STMND1: variants seen among roughly 807,000 people sequenced by gnomAD.
The protein encoded by STMND1 is stathmin domain containing 1.
Under a neutral mutation model 23.0 loss-of-function variants are expected in STMND1, and 17 were observed. The observed-to-expected ratio is 0.74, with a 90% CI of 0.51 to 1.11. The LOEUF (loss-of-function observed/expected upper bound fraction) is 1.11, where lower values mean the gene tolerates loss of function less well. STMND1 is among the 50% of genes least tolerant of loss of function. The probability of loss-of-function intolerance (pLI) is 0.00; values close to 1 mark genes in which losing one functional copy is unlikely to be tolerated. For synonymous variants in STMND1, 114 were observed against 119.9 expected (o/e 0.95, Z 0.32); for missense variants, 305 against 329.1 (o/e 0.93, Z 0.57).
chr6:17,122,063 A>G (rs968440206), intron 3 of STMND1, among the ~76,000 whole-genome samples: 3 of 151,966 alleles, frequency 2.0e-5, no homozygotes, highest in Admixed American at 6.6e-5. Flanking sequence ...GGATTTCACC[A>G]TCTTGACCAG....
At position 17,102,108 on chromosome 6, in the gene STMND1, T is replaced by A. The variant is rs1019250825; in HGVS notation, c.-150T>A. On this transcript the variant is annotated 5_prime_UTR_variant, in exon 1 of 5. Coordinates refer to ENST00000536551, the MANE Select transcript of STMND1 (RefSeq NM_001190766.2). ...CTGCCCGGGGTTTAAGCGCGGGAAG[T>A]GGGAGAGGCGGGTGGCGCCCGAGCG... 2 of 670,704 alleles carry A rather than the reference T, an allele frequency of 3.0e-6. No individual in the cohort carries two copies. Among genetic ancestry groups the A allele is most frequent in the Non-Finnish European group, 4.4e-6 (2 of 454,370 alleles). The allele number at this position is 670,704 out of a possible 1,614,324, so 41.5% of individuals were successfully genotyped here.
intron 3 of STMND1, among the ~76,000 whole-genome samples, chr6:17,126,052 ATATATATATATATATATATTTTTTTTTTT>A (rs1761292586): frequency 3.4e-5 from 1 of 29,448 alleles, no homozygotes; most frequent in Non-Finnish European, 5.8e-5. Context: ...ATATATATAT[ATATATATATATATATATATTTTTTTTTTT>A]TTTTTTTTTT....
intron 2 of STMND1, among the ~76,000 whole-genome samples, chr6:17,116,511 C>G (rs1761162109): frequency 6.6e-6 from 1 of 152,126 alleles, no homozygotes; most frequent in African/African-American, 2.4e-5. Context: ...GCAATCTCCG[C>G]TCACTGCAAC....
At chr6:17,115,650 G>T (rs748732521) in intron 2 of STMND1, among the ~76,000 whole-genome samples, 2 of 152,206 alleles carry the variant, frequency 1.3e-5, no homozygotes, top group African/African-American at 2.4e-5. Context: ...GAAACTATTT[G>T]TGGGTTTTCC....
chr6:17,111,560 C>T (rs946190309), intron 1 of STMND1, among the ~76,000 whole-genome samples: 1 of 152,142 alleles, frequency 6.6e-6, no homozygotes, highest in African/African-American at 2.4e-5. Context: ...TAAGTAGCTA[C>T]TCCTTATCAC....
chr6:17,127,556 A>T (rs1404739723), intron 3 of STMND1, among the ~76,000 whole-genome samples: 2 of 152,158 alleles, frequency 1.3e-5, no homozygotes. Context: ...TCTCAACAAA[A>T]AACAAAAACA....
chr6:17,122,696 CA>C (rs1581372881), intron 3 of STMND1, among the ~76,000 whole-genome samples: 1 of 146,252 alleles, frequency 6.8e-6, no homozygotes, highest in African/African-American at 2.6e-5. Context: ...ATAACATTAT[CA>C]GGCTGCCAAT....
chr6:17,124,190 T>G (rs1761266963), intron 3 of STMND1, among the ~76,000 whole-genome samples: 1 of 152,172 alleles, frequency 6.6e-6, no homozygotes. Flanking sequence ...GACATGTAAA[T>G]ATTATTTCTT....
chr6:17,111,269 G>A (rs891873433), intron 1 of STMND1, among the ~76,000 whole-genome samples: 1 of 152,138 alleles, frequency 6.6e-6, no homozygotes, highest in Admixed American at 6.6e-5. Context: ...GAAAGGAGAA[G>A]GTGGGATTAT....
In STMND1 at chr6:17,129,052, C is replaced by T. The variant is rs1190930693; in HGVS notation, c.412-60C>T. On this transcript the variant is annotated intron_variant, in intron 3 of 4. Coordinates refer to ENST00000536551, the MANE Select transcript of STMND1 (RefSeq NM_001190766.2). ...TAAACTGTTTATTCTAACTCTTTTG[C>T]CCTTCTCTTCTGCCAGTGAATATGA... 10 of 1,482,940 alleles carry T rather than the reference C, an allele frequency of 6.7e-6. No homozygotes were observed. In the South Asian group the frequency reaches 1.1e-4, roughly 16 times the overall value. The allele number at this position is 1,482,940 out of a possible 1,614,324, so 91.9% of individuals were successfully genotyped here.
chr6:17,121,135 T>A (rs764970495), intron 3 of STMND1, among the ~76,000 whole-genome samples: 1 of 152,208 alleles, frequency 6.6e-6, no homozygotes, highest in Non-Finnish European at 1.5e-5. Flanking sequence ...CCTACCACCT[T>A]GTGAAGAGGT....
chr6:17,114,704 G>A (rs1439475539), intron 1 of STMND1, among the ~76,000 whole-genome samples: 1 of 152,224 alleles, frequency 6.6e-6, no homozygotes, highest in African/African-American at 2.4e-5. Context: ...TGAGTGATGA[G>A]GAGCAGCTGT....
chr6:17,130,602 A>C lies in STMND1; in HGVS notation c.552A>C (p.Glu184Asp). The C allele has an allele frequency of 1.3e-6, 2 of 1,510,358 alleles. No homozygotes were observed. Among genetic ancestry groups the C allele is most frequent in the Non-Finnish European group, 1.8e-6 (2 of 1,136,460 alleles). The allele number at this position is 1,510,358 out of a possible 1,614,324, so 93.6% of individuals were successfully genotyped here. A position where few individuals can be genotyped will look rare whatever the true frequency, so the allele number is the denominator to read the frequency against. The change falls in exon 5 of 5, where the codon GAA (glutamate) becomes GAC (aspartate). Residue 184 changes from glutamate to aspartate, a missense_variant. Glu to Asp is a conservative substitution (Grantham distance 45). Transcript: ENST00000536551. ...TTAATACTGCATTTCAGACTAAAGA[A>C]GAAGAAATAAGAAAAAGGCTACGGA... is the stretch of plus-strand genomic sequence containing the variant. ...EAAEERRKTKEEEIRKRLRSD... is the reference protein window; with the variant it reads ...EAAEERRKTKDEEIRKRLRSD...
At chr6:17,123,614 G>A (rs1472523485) in intron 3 of STMND1, among the ~76,000 whole-genome samples, 2 of 152,006 alleles carry the variant, frequency 1.3e-5, no homozygotes, top group Non-Finnish European at 2.9e-5. Flanking sequence ...TGGGCAGCCC[G>A]GTTGAGAACT....
chr6:17,129,284 G>C (rs978658410), intron 4 of STMND1, 41 bp downstream of exon 4: 2 of 1,526,762 alleles, frequency 1.3e-6, no homozygotes, highest in Non-Finnish European at 1.8e-6. Context: ...GGAGTTCGCT[G>C]TCTGTTAAAA....
At chr6:17,110,692 C>T (rs1432370652) in intron 1 of STMND1, 1 of 392,576 alleles carries the variant, frequency 2.5e-6, no homozygotes, top group Admixed American at 2.8e-5. Context: ...CACTTGAACC[C>T]GAGAGGCAGA....
intron 3 of STMND1, among the ~76,000 whole-genome samples, chr6:17,126,848 A>G (rs1761313821): frequency 1.3e-5 from 2 of 152,198 alleles, no homozygotes; most frequent in Admixed American, 1.3e-4. Flanking sequence ...CCTGAGAATC[A>G]TAGATTTTAA....
intron 1 of STMND1, 63 bp from the exon 2 acceptor site, chr6:17,114,899 C>T: frequency 6.9e-7 from 1 of 1,439,942 alleles, no homozygotes; most frequent in Non-Finnish European, 9.2e-7. Context: ...AAAGCAGACC[C>T]TGCAACATTG....
chr6:17,107,888 G>A (rs1761047755), intron 1 of STMND1, among the ~76,000 whole-genome samples: 1 of 152,196 alleles, frequency 6.6e-6, no homozygotes, highest in South Asian at 2.1e-4. Context: ...CTATATCCCT[G>A]AGAGGCATAG....
Sources: allele counts gnomAD v4.1 joint callset (sites outside exome capture counted in the v4.1 genomes callset), GRCh38; gene constraint gnomAD v4.1.1; transcripts MANE v1.5; gene names NCBI Gene and HGNC (gene_info 2026-07-23, HGNC 2026-07-21).